Variants in TBC1D19 observed in about 807,000 individuals in gnomAD.
TBC1D19 encodes TBC1 domain family member 19.
Under a neutral mutation model 89.0 loss-of-function variants are expected in TBC1D19, and 60 were observed. The observed-to-expected ratio is 0.67, with a 90% confidence interval of 0.55 to 0.84. TBC1D19 has a LOEUF of 0.84. Among genes scored for constraint, TBC1D19 ranks in the 40% least tolerant of loss-of-function variants. TBC1D19 has a pLI of 0.00. For missense variants in TBC1D19, 500 were observed against 610.8 expected, an observed-to-expected ratio of 0.82 and a Z score of 1.91; for synonymous variants, 189 against 199.7, an observed-to-expected ratio of 0.95 and a Z score of 0.45.
At chr4:26,830,301 T>C in the TBC1D19 span, among the ~76,000 whole-genome samples, 1 of 152,192 alleles carries the variant, frequency 6.6e-6, no homozygotes, top group Non-Finnish European at 1.5e-5. Context: ...TACTGGGTGG[T>C]TCCCAGCTCC....
At chr4:26,778,933 A>G in the TBC1D19 span, among the ~76,000 whole-genome samples, 2 of 152,250 alleles carry the variant, frequency 1.3e-5, no homozygotes, top group South Asian at 4.1e-4. Flanking sequence ...TACCCAAGCC[A>G]CAACCCCTAT....
chr4:26,684,869 A>G (rs1165589165), intron 12 of TBC1D19, among the ~76,000 whole-genome samples: 1 of 152,188 alleles, frequency 6.6e-6, no homozygotes, highest in Non-Finnish European at 1.5e-5. Flanking sequence ...ATAGATTACT[A>G]TTTAGTGCAT....
At chr4:26,790,647 A>C in the TBC1D19 span, among the ~76,000 whole-genome samples, 2 of 152,230 alleles carry the variant, frequency 1.3e-5, no homozygotes, top group East Asian at 3.8e-4. Flanking sequence ...ATTATCACCA[A>C]GATAATATTA....
At chr4:26,653,875 T>G (rs1440758867) in intron 7 of TBC1D19, among the ~76,000 whole-genome samples, 1 of 152,178 alleles carries the variant, frequency 6.6e-6, no homozygotes, top group Non-Finnish European at 1.5e-5. Context: ...CCATTGACAT[T>G]TAAGGTTAAT....
intron 13 of TBC1D19, among the ~76,000 whole-genome samples, chr4:26,706,242 G>A (rs532513081): frequency 1.3e-5 from 2 of 152,076 alleles, no homozygotes; most frequent in African/African-American, 4.8e-5. Flanking sequence ...CTATTTCTTT[G>A]TGATTTAGTC....
At chr4:26,604,274 C>T (rs1176911206) in intron 1 of TBC1D19, among the ~76,000 whole-genome samples, 2 of 151,070 alleles carry the variant, frequency 1.3e-5, no homozygotes, top group African/African-American at 4.9e-5. Flanking sequence ...CTGCCTCAGC[C>T]TCCCGAGTAC....
intron 18 of TBC1D19, among the ~76,000 whole-genome samples, chr4:26,744,166 T>G (rs1718520075): frequency 6.6e-6 from 1 of 151,830 alleles, no homozygotes; most frequent in Non-Finnish European, 1.5e-5. Flanking sequence ...AACAGAAAGT[T>G]ATTCATAATA....
At chr4:26,689,105 G>A (rs1323214831) in intron 13 of TBC1D19, among the ~76,000 whole-genome samples, 1 of 151,938 alleles carries the variant, frequency 6.6e-6, no homozygotes, top group East Asian at 1.9e-4. Context: ...TGGTATTGTG[G>A]TGTATATGTG....
At chr4:26,645,026 C>T (rs1259597481) in intron 7 of TBC1D19, among the ~76,000 whole-genome samples, 1 of 152,152 alleles carries the variant, frequency 6.6e-6, no homozygotes, top group Non-Finnish European at 1.5e-5. Context: ...AATGGAAGAA[C>T]ATTCCATGCT....
At chr4:26,821,066 A>C in the TBC1D19 span, among the ~76,000 whole-genome samples, 2 of 152,322 alleles carry the variant, frequency 1.3e-5, no homozygotes, top group East Asian at 1.9e-4. Context: ...CATGGGTGCC[A>C]ATATGGCGCC....
intron 13 of TBC1D19, among the ~76,000 whole-genome samples, chr4:26,696,747 C>G (rs1714823258): frequency 6.6e-6 from 1 of 152,192 alleles, no homozygotes; most frequent in South Asian, 2.1e-4. Context: ...ACAACCTGGT[C>G]CTGAGTGACT....
At chr4:26,616,335 T>C (rs993827602) in intron 3 of TBC1D19, among the ~76,000 whole-genome samples, 1 of 152,194 alleles carries the variant, frequency 6.6e-6, no homozygotes, top group African/African-American at 2.4e-5. Context: ...AATAAGGCAT[T>C]AAACCTCTTC....
At chr4:26,675,306 C>T (rs992765665) in intron 11 of TBC1D19, among the ~76,000 whole-genome samples, 29 of 152,020 alleles carry the variant, frequency 1.9e-4, no homozygotes, top group Non-Finnish European at 3.8e-4. Context: ...CTAATAACCC[C>T]ACGTAATAAT....
At chr4:26,826,359 A>G in the TBC1D19 span, among the ~76,000 whole-genome samples, 1 of 152,070 alleles carries the variant, frequency 6.6e-6, no homozygotes, top group African/African-American at 2.4e-5. Context: ...ATTCAGTGAC[A>G]GCAATAATCA....
chr4:26,837,293 A>T, the TBC1D19 span, among the ~76,000 whole-genome samples: 1 of 152,344 alleles, frequency 6.6e-6, no homozygotes, highest in African/African-American at 2.4e-5. Flanking sequence ...GGAGATGGGC[A>T]TGGAGAAGAC....
At chr4:26,592,017 C>T (rs1739845418) in intron 1 of TBC1D19, among the ~76,000 whole-genome samples, 2 of 152,034 alleles carry the variant, frequency 1.3e-5, no homozygotes, top group Admixed American at 6.5e-5. Context: ...ATACCAAAGC[C>T]TGGCAGAGAC....
chr4:26,603,911 A>G (rs540880413), intron 1 of TBC1D19, among the ~76,000 whole-genome samples: 50 of 152,158 alleles, frequency 3.3e-4, no homozygotes, highest in Non-Finnish European at 5.1e-4. Context: ...CCATCTTCAA[A>G]ACTTTTTCAT....
chr4:26,751,709 T>C (rs1718976690), intron 19 of TBC1D19, among the ~76,000 whole-genome samples: 1 of 152,190 alleles, frequency 6.6e-6, no homozygotes, highest in Non-Finnish European at 1.5e-5. Context: ...TGCCCGACTG[T>C]CCAAAATCTC....
chr4:26,809,036 G>T, the TBC1D19 span, among the ~76,000 whole-genome samples: 1 of 152,136 alleles, frequency 6.6e-6, no homozygotes, highest in Non-Finnish European at 1.5e-5. Context: ...AGGAATACAG[G>T]GTCAGTGAAA....
Sources: allele counts gnomAD v4.1 joint callset (sites outside exome capture counted in the v4.1 genomes callset), GRCh38; gene constraint gnomAD v4.1.1; transcripts MANE v1.5; gene names NCBI Gene and HGNC (gene_info 2026-07-23, HGNC 2026-07-21).